Variants in FNDC1 observed in about 807,000 individuals in gnomAD.
FNDC1 encodes the protein fibronectin type III domain containing 1, also known as fibronectin type III domain-containing protein 1.
In FNDC1, 96 loss-of-function variants were observed where a neutral mutation model predicts 168.0. The ratio of observed to expected loss-of-function variants is 0.57; its 90% CI spans 0.48 to 0.68. The LOEUF is 0.68. FNDC1 is among the 30% of genes least tolerant of loss of function. FNDC1 has a pLI of 0.00. For synonymous variants in FNDC1, 1,099 were observed against 1,025.9 expected, an observed-to-expected ratio of 1.07 and a Z score of -1.36; for missense variants, 2,587 against 2,482.1, an observed-to-expected ratio of 1.04 and a Z score of -0.90.
chr6:159,206,495 A>G (rs969406485), intron 4 of FNDC1, among the ~76,000 whole-genome samples: 6 of 152,304 alleles, frequency 3.9e-5, no homozygotes, highest in African/African-American at 1.4e-4. Context: ...ACATTTGTTC[A>G]GTGGAAATGC....
rs1313137868 is a variant in FNDC1 at position 159,271,471 on chromosome 6, C to G, written c.*29C>G. Reference sequence around the variant, plus strand: ...CAGGACCGTCATGCTGCAAGCTTGCCCTGCCCAGCCCCACCAACTAAGTCG... The same window carrying G: ...CAGGACCGTCATGCTGCAAGCTTGCGCTGCCCAGCCCCACCAACTAAGTCG... On this transcript the variant is annotated 3_prime_UTR_variant, in exon 23 of 23. Transcript: ENST00000297267. 1 of 1,529,952 alleles carries G rather than the reference C, an allele frequency of 6.5e-7. No individual in the cohort carries two copies. The highest frequency in any genetic ancestry group is 9.0e-7 in the Non-Finnish European group (1 of 1,117,162). 94.8% of individuals were successfully genotyped at this position (1,529,952 alleles called of 1,614,324 possible).
At chr6:159,251,159 T>G in intron 16 of FNDC1, 143 bp from the exon 17 acceptor site, 1 of 629,790 alleles carries the variant, frequency 1.6e-6, no homozygotes, top group Non-Finnish European at 2.8e-6. Context: ...GGTGTGTTTC[T>G]GAGCTTGGCA....
In FNDC1 at chr6:159,233,523, A is replaced by G; in HGVS notation, c.3011A>G (p.Gln1004Arg). ...ATGACACCCGGCCGGGCCCCACAAC[A>G]GCAGCCCCCTCCTCCCGTCGCCACG... ...RRMTPGRAPQ[Q>R]QPPPPVATSQ... The change falls in exon 11 of 23, where the codon CAG becomes CGG. Residue 1004 changes from glutamine to arginine, a missense_variant. Physicochemically the swap from Gln to Arg is conservative, Grantham distance 43. Coordinates refer to ENST00000297267, the MANE Select transcript of FNDC1 (RefSeq NM_032532.3). This position sits in a 1 kb window ranked among gnomAD's most constrained non-coding sequence, Gnocchi z 4.6. 6.3e-7 allele frequency: 1 copy of G among 1,599,310 alleles called. No individual in the cohort carries two copies. Among genetic ancestry groups the G allele is most frequent in the Non-Finnish European group, 8.5e-7 (1 of 1,176,340 alleles).
In FNDC1 at chr6:159,271,417, G is replaced by C; in HGVS notation, c.5660G>C (p.Gly1887Ala). The change falls in exon 23 of 23, where the codon GGG (glycine) becomes GCG (alanine). Residue 1887 changes from glycine (G) to alanine (A), a missense_variant. Coordinates refer to ENST00000297267, the MANE Select transcript of FNDC1 (RefSeq NM_032532.3). ...TACTATGTGGGCTGGTACGAGTGTG[G>C]GGTCTCCATCCCTGGAAAGTGGTAA... ...PYYYVGWYEC[G>A]VSIPGKW is the part of the protein sequence containing the mutation. The C allele has an allele frequency of 3.1e-6, 5 of 1,610,848 alleles. No individual in the cohort carries two copies. The highest frequency in any genetic ancestry group is 1.7e-5 in the Admixed American group (1 of 59,696).
chr6:159,245,555 C>T (rs1259954336), intron 14 of FNDC1, among the ~76,000 whole-genome samples: 2 of 152,136 alleles, frequency 1.3e-5, no homozygotes, highest in South Asian at 2.1e-4. Flanking sequence ...CTCCTTTTTA[C>T]AGCTACATCT....
At chr6:159,271,001 A>C (rs1441009843) in intron 22 of FNDC1, among the ~76,000 whole-genome samples, 1 of 152,172 alleles carries the variant, frequency 6.6e-6, no homozygotes, top group East Asian at 1.9e-4. Context: ...CTTTACACTT[A>C]GTCACTGGGT....
intron 20 of FNDC1, 144 bp downstream of exon 20, chr6:159,265,148 A>G (rs1372173003): frequency 7.6e-6 from 5 of 657,724 alleles, no homozygotes; most frequent in Non-Finnish European, 1.3e-5. Flanking sequence ...TGCACTCGTC[A>G]TCCTGATCTT....
At chr6:159,173,710 T>A (rs1386739619) in intron 1 of FNDC1, among the ~76,000 whole-genome samples, 8 of 152,246 alleles carry the variant, frequency 5.3e-5, no homozygotes, top group African/African-American at 1.7e-4. Flanking sequence ...ACACACTTAA[T>A]GACTTGAAAC....
intron 1 of FNDC1, among the ~76,000 whole-genome samples, chr6:159,179,651 A>G (rs1245635339): frequency 6.6e-6 from 1 of 152,014 alleles, no homozygotes; most frequent in Non-Finnish European, 1.5e-5. Flanking sequence ...CATTTCATAT[A>G]TTTTACTGGC....
intron 5 of FNDC1, among the ~76,000 whole-genome samples, chr6:159,220,908 C>T (rs1337458193): frequency 6.6e-6 from 1 of 152,164 alleles, no homozygotes; most frequent in East Asian, 1.9e-4. Context: ...ACAGTTCAAA[C>T]CTGTGTTGTT....
At position 159,238,684 on chromosome 6, in the gene FNDC1, TAAAGA is replaced by T; in HGVS notation, c.4180+21_4180+25del. ...ATTGTAGGTAAGGGAGAATGGTTTTTAAAGAATAAAAGCCTACTGAATTAGCCATA... is the reference window on the plus strand; with the variant it reads ...ATTGTAGGTAAGGGAGAATGGTTTTTATAAAAGCCTACTGAATTAGCCATA... On this transcript the variant is annotated intron_variant, in intron 13 of 22. Coordinates refer to ENST00000297267, the MANE Select transcript of FNDC1 (RefSeq NM_032532.3). The T allele has an allele frequency of 6.7e-7, 1 of 1,500,624 alleles. No individual in the cohort carries two copies. The highest frequency in any genetic ancestry group is 9.1e-7 in the Non-Finnish European group (1 of 1,095,820). 93.0% of individuals were successfully genotyped at this position (1,500,624 alleles called of 1,614,324 possible).
chr6:159,227,114 A>G (rs948015694), intron 9 of FNDC1, among the ~76,000 whole-genome samples: 5 of 152,274 alleles, frequency 3.3e-5, no homozygotes, highest in African/African-American at 1.2e-4. Context: ...AGATATTTTA[A>G]AGAATAAAAA....
chr6:159,235,828 G>C (rs542614929), intron 11 of FNDC1, among the ~76,000 whole-genome samples: 1 of 152,296 alleles, frequency 6.6e-6, no homozygotes, highest in South Asian at 2.1e-4. Context: ...CCAGAAAAGT[G>C]GGACAGCATC....
intron 8 of FNDC1, among the ~76,000 whole-genome samples, chr6:159,226,053 A>G (rs1437726265): frequency 6.6e-6 from 1 of 152,188 alleles, no homozygotes; most frequent in Non-Finnish European, 1.5e-5. Context: ...TGGCTCTTGC[A>G]TGTAGGAGAG....
intron 10 of FNDC1, among the ~76,000 whole-genome samples, chr6:159,231,299 C>G (rs552894220): frequency 2.8e-5 from 1 of 35,808 alleles, no homozygotes; most frequent in African/African-American, 4.8e-5. Flanking sequence ...GGCGTGAACC[C>G]GGGAAGCGGA....
intron 9 of FNDC1, among the ~76,000 whole-genome samples, chr6:159,227,836 T>C (rs962431803): frequency 3.3e-5 from 5 of 152,170 alleles, no homozygotes; most frequent in African/African-American, 1.2e-4. Context: ...GGTCCATGCA[T>C]TAGTCTCATA....
chr6:159,221,868 G>A (rs1319430473), intron 6 of FNDC1, among the ~76,000 whole-genome samples, 172 bp downstream of exon 6: 3 of 152,318 alleles, frequency 2.0e-5, no homozygotes, highest in East Asian at 3.9e-4. Flanking sequence ...TATATGCAAA[G>A]GCTAGAGTGC....
chr6:159,236,442 T>C (rs564786723), intron 12 of FNDC1, 127 bp downstream of exon 12: 1 of 653,296 alleles, frequency 1.5e-6, no homozygotes, highest in Non-Finnish European at 2.7e-6. Flanking sequence ...TAACTACTTA[T>C]ATGTACTTGT....
At chr6:159,191,639 A>G (rs140808629) in intron 1 of FNDC1, among the ~76,000 whole-genome samples, 60 of 152,346 alleles carry the variant, frequency 3.9e-4, no homozygotes, top group African/African-American at 1.4e-3. Flanking sequence ...AAATGTAAGC[A>G]TGCTTATCAG....
Sources: gnomAD v4.1 joint callset for allele counts (sites outside exome capture counted in the v4.1 genomes callset) on GRCh38, gnomAD v4.1.1 for gene constraint, Gnocchi (gnomAD v3.1) non-coding constraint, MANE v1.5 for transcripts, NCBI Gene and HGNC (gene_info 2026-07-23, HGNC 2026-07-21) for gene names.